The following MAST2 variants were observed in gnomAD, a reference collection of about 807,000 sequenced individuals.
The protein encoded by MAST2 is microtubule associated serine/threonine kinase 2.
MAST2 carries 70 observed loss-of-function variants against 147.4 expected under a neutral mutation model. The ratio of observed to expected loss-of-function variants is 0.47; its 90% CI spans 0.39 to 0.58. The LOEUF is 0.58. Ranked by LOEUF, MAST2 falls within the 20% of genes least tolerant of loss-of-function variation. MAST2 has a pLI of 0.00. For synonymous variants in MAST2, 869 were observed against 896.8 expected (o/e 0.97, Z 0.55); for missense variants, 2,080 against 2,302.3 (o/e 0.90, Z 1.98).
chr1:45,857,208 T>C (rs878967209), intron 3 of MAST2, among the ~76,000 whole-genome samples: 1 of 152,200 alleles, frequency 6.6e-6, no homozygotes, highest in Admixed American at 6.5e-5. Flanking sequence ...AGGCCCATGA[T>C]ATCATCTGGT....
At position 46,031,191 on chromosome 1, in the gene MAST2, T is replaced by C. The variant is rs766523411; in HGVS notation, c.2893T>C (p.Ser965Pro). ...QEGIWVLTPPSGEGVSGPVTE... is the reference protein window; with the variant it reads ...QEGIWVLTPPPGEGVSGPVTE... ...GGGTATATGGGTCCTGACACCCCCATCTGGAGAGGGGGTATCTGGGCCTGT... is the reference window on the plus strand; with the variant it reads ...GGGTATATGGGTCCTGACACCCCCACCTGGAGAGGGGGTATCTGGGCCTGT... Residue 965 changes from serine to proline, a missense_variant, in exon 23 of 29, where the codon TCT becomes CCT. Ser to Pro is a moderately conservative substitution (Grantham distance 74). Transcript: ENST00000361297. The surrounding 1 kb of genome is among the most constrained non-coding windows in gnomAD (Gnocchi z 4.1). The C allele has an allele frequency of 2.5e-6, 4 of 1,575,944 alleles. No individual in the cohort carries two copies. Among genetic ancestry groups the C allele is most frequent in the East Asian group, 2.3e-5 (1 of 44,232 alleles).
chr1:45,807,559 T>C (rs80137936), intron 1 of MAST2, among the ~76,000 whole-genome samples: 8 of 151,946 alleles, frequency 5.3e-5, no homozygotes, highest in Admixed American at 2.0e-4. Flanking sequence ...TTTTTTTTTT[T>C]GAGACAGGGT....
At chr1:46,024,239 G>A in intron 15 of MAST2, 5 of 462,482 alleles carry the variant, frequency 1.1e-5, no homozygotes, top group East Asian at 4.2e-5. Flanking sequence ...CCCAAAGCCT[G>A]CACGCTCTCT....
chr1:46,019,710 T>C lies in MAST2; in HGVS notation c.1290+13T>C, dbSNP rs1157917413. 1.2e-6 allele frequency: 2 copies of C among 1,611,232 alleles called. No individual in the cohort carries two copies. Among genetic ancestry groups the C allele is most frequent in the Non-Finnish European group, 8.5e-7 (1 of 1,177,482 alleles). On this transcript the variant is annotated intron_variant, in intron 11 of 28. Coordinates refer to ENST00000361297, the MANE Select transcript of MAST2 (RefSeq NM_015112.3). ...CCTGGAATGCCTGGTGAGTGGACTC[T>C]AGGAAAGTCAGGTGGGCAGATTTAG...
chr1:45,829,420 C>G lies in MAST2; in HGVS notation c.326-19C>G, dbSNP rs763407607. On this transcript the variant is annotated intron_variant, in intron 2 of 28. Transcript: ENST00000361297. The stretch of plus-strand genomic sequence containing the variant: ...CAATAAATAATTACATGTATATTTT[C>G]CAAACCTTGTATTTGAAGGTAAGCA... The G allele has an allele frequency of 6.3e-7, 1 of 1,599,240 alleles. No individual in the cohort carries two copies. Among genetic ancestry groups the G allele is most frequent in the East Asian group, 2.2e-5 (1 of 44,590 alleles).
At chr1:45,921,328 C>T (rs556667819) in intron 4 of MAST2, among the ~76,000 whole-genome samples, 14 of 152,240 alleles carry the variant, frequency 9.2e-5, no homozygotes, top group East Asian at 1.9e-4. Flanking sequence ...GCTGTTGTTA[C>T]GGGATCCTGG....
chr1:45,898,362 T>C (rs187116917), intron 4 of MAST2, among the ~76,000 whole-genome samples: 18 of 152,304 alleles, frequency 1.2e-4, no homozygotes, highest in Non-Finnish European at 2.9e-5. Flanking sequence ...AATGTTTCAA[T>C]TGCCCATTCT....
At chr1:46,001,988 A>G (rs186586303) in intron 6 of MAST2, among the ~76,000 whole-genome samples, 3 of 152,292 alleles carry the variant, frequency 2.0e-5, no homozygotes, top group African/African-American at 7.2e-5. Flanking sequence ...AAGCTCTACA[A>G]AAAAGAATAC....
chr1:45,892,175 G>A lies in MAST2; in HGVS notation c.500+9780G>A, dbSNP rs537430077. ...CAACCATTTTTTACAATTATATTCT[G>A]GTCAAAAGGAGAACAGATTCTTGTT... On this transcript the variant is annotated intron_variant, in intron 4 of 28. Transcript: ENST00000361297. Among the ~76,000 whole-genome samples the A allele has an allele frequency of 3.9e-5, 6 of 152,256 alleles. No homozygotes were observed. In the East Asian group the frequency reaches 9.6e-4, roughly 24 times the overall value.
At chr1:45,917,479 C>G (rs1652739980) in intron 4 of MAST2, 3 of 1,366,584 alleles carry the variant, frequency 2.2e-6, no homozygotes, top group Non-Finnish European at 2.9e-6. Flanking sequence ...TTCCTGAACC[C>G]ACGAGCCCAC....
chr1:46,014,037 A>C (rs943718470), intron 10 of MAST2, among the ~76,000 whole-genome samples: 1 of 152,174 alleles, frequency 6.6e-6, no homozygotes, highest in Non-Finnish European at 1.5e-5. Flanking sequence ...AATCCTAATT[A>C]GGCATTCATG....
intron 1 of MAST2, among the ~76,000 whole-genome samples, chr1:45,815,585 T>G (rs1353797443): frequency 3.9e-5 from 6 of 152,108 alleles, no homozygotes; most frequent in Admixed American, 3.9e-4. Flanking sequence ...GTTACCAAGG[T>G]GATTTTTGTT....
chr1:46,028,507 C>A (rs1190254809), intron 17 of MAST2, among the ~76,000 whole-genome samples: 1 of 152,174 alleles, frequency 6.6e-6, no homozygotes, highest in Non-Finnish European at 1.5e-5. Context: ...ATTGTGGGAT[C>A]ACATGCCAGA....
chr1:45,870,242 T>C (rs1357437802), intron 3 of MAST2, among the ~76,000 whole-genome samples: 3 of 152,132 alleles, frequency 2.0e-5, no homozygotes, highest in African/African-American at 7.2e-5. Context: ...TTTGTATACC[T>C]GTTTGACATG....
At position 46,015,984 on chromosome 1, in the gene MAST2, A is replaced by G. The variant is rs1260654487; in HGVS notation, c.1189-3612A>G. On this transcript the variant is annotated intron_variant, in intron 10 of 28. Coordinates refer to ENST00000361297, the MANE Select transcript of MAST2 (RefSeq NM_015112.3). ...TCAAAAAGCTTATCCACCATGATCA[A>G]GTGGGCTTCATCCCTGGGATGCAAG... Among the ~76,000 whole-genome samples the G allele has an allele frequency of 1.4e-4, 22 of 152,208 alleles. 1 individual carries two copies. The highest frequency in any genetic ancestry group is 1.4e-3 in the Admixed American group (21 of 15,278).
chr1:45,876,591 T>C (rs1239354216), intron 3 of MAST2, among the ~76,000 whole-genome samples: 1 of 152,214 alleles, frequency 6.6e-6, no homozygotes, highest in East Asian at 1.9e-4. Context: ...GGGAGTACTC[T>C]TGCCTCAGCC....
At chr1:45,890,759 A>C (rs1241183595) in intron 4 of MAST2, among the ~76,000 whole-genome samples, 1 of 152,250 alleles carries the variant, frequency 6.6e-6, no homozygotes, top group Non-Finnish European at 1.5e-5. Flanking sequence ...CCCAGAGCCT[A>C]CTATAGAGTT....
At chr1:45,987,762 GT>G (rs11462786) in intron 5 of MAST2, among the ~76,000 whole-genome samples, 303 of 62,730 alleles carry the variant, frequency 4.8e-3, no homozygotes, top group African/African-American at 0.018. Context: ...AGCATTTCTT[GT>G]TTTTTTTTTT....
At chr1:45,940,951 A>G (rs1456669556) in intron 4 of MAST2, among the ~76,000 whole-genome samples, 1 of 152,200 alleles carries the variant, frequency 6.6e-6, no homozygotes, top group African/African-American at 2.4e-5. Flanking sequence ...GAATTGTTGC[A>G]TATTGTTTTG....
Sources: gnomAD v4.1 joint callset for allele counts (sites outside exome capture counted in the v4.1 genomes callset) on GRCh38, gnomAD v4.1.1 for gene constraint, Gnocchi (gnomAD v3.1) non-coding constraint, MANE v1.5 for transcripts, NCBI Gene and HGNC (gene_info 2026-07-23, HGNC 2026-07-21) for gene names.